KHDRBS2: variants seen among roughly 807,000 people sequenced by gnomAD.
The protein encoded by KHDRBS2 is KH RNA binding domain containing, signal transduction associated 2.
In KHDRBS2, 26 loss-of-function variants were observed where a neutral mutation model predicts 44.3. That is an observed-to-expected ratio of 0.59 (90% CI 0.43 to 0.81). The LOEUF (loss-of-function observed/expected upper bound fraction) is 0.81. Ranked by LOEUF, KHDRBS2 falls within the 40% of genes least tolerant of loss-of-function variation. The pLI is 0.00. For missense variants in KHDRBS2, 476 were observed against 433.1 expected (o/e 1.10, Z -0.88); for synonymous variants, 194 against 151.1 (o/e 1.28, Z -2.08).
intron 4 of KHDRBS2, among the ~76,000 whole-genome samples, chr6:61,937,437 C>T (rs548893417): frequency 8.5e-5 from 13 of 152,152 alleles, no homozygotes; most frequent in Admixed American, 4.6e-4. Flanking sequence ...TACTACACAA[C>T]GTCACTAGGC....
chr6:61,906,011 G>C (rs7741857), intron 4 of KHDRBS2, among the ~76,000 whole-genome samples: 13,302 of 151,718 alleles, frequency 0.088, 587 homozygotes, highest in Middle Eastern at 0.15. Flanking sequence ...CCACGCCTGG[G>C]TAATTTTTGT....
intron 4 of KHDRBS2, among the ~76,000 whole-genome samples, chr6:61,903,202 G>C (rs1225428682): frequency 6.6e-6 from 1 of 152,066 alleles, no homozygotes. Context: ...AACTGACCAG[G>C]TACTATCAAA....
chr6:61,670,721 G>C, the KHDRBS2 span, among the ~76,000 whole-genome samples: 21 of 98,264 alleles, frequency 2.1e-4, no homozygotes, highest in South Asian at 3.3e-3. Flanking sequence ...AGAGATGTTT[G>C]CTCATCTAGT....
At chr6:62,022,237 G>T (rs1782485830) in intron 3 of KHDRBS2, among the ~76,000 whole-genome samples, 1 of 151,538 alleles carries the variant, frequency 6.6e-6, no homozygotes, top group Non-Finnish European at 1.5e-5. Context: ...TTTAAATAAA[G>T]AAGTAAAAAT....
intron 2 of KHDRBS2, among the ~76,000 whole-genome samples, chr6:62,105,057 G>T (rs1584728028): frequency 6.6e-6 from 1 of 151,990 alleles, no homozygotes; most frequent in East Asian, 1.9e-4. Flanking sequence ...CAAATTCATT[G>T]AAAAACAAAC....
At chr6:61,786,686 A>G (rs1783869036) in intron 6 of KHDRBS2, among the ~76,000 whole-genome samples, 1 of 151,962 alleles carries the variant, frequency 6.6e-6, no homozygotes, top group Admixed American at 6.6e-5. Context: ...TGGTGGGTAG[A>G]AAAAAGTGAA....
chr6:62,063,441 G>A (rs1792598611), intron 2 of KHDRBS2, among the ~76,000 whole-genome samples: 1 of 150,964 alleles, frequency 6.6e-6, no homozygotes, highest in Admixed American at 6.6e-5. Flanking sequence ...ATGATCAAGT[G>A]GGCTTCATCC....
At chr6:62,265,528 C>T (rs779926010) in intron 1 of KHDRBS2, among the ~76,000 whole-genome samples, 2 of 151,814 alleles carry the variant, frequency 1.3e-5, no homozygotes, top group Non-Finnish European at 2.9e-5. Context: ...AAAGATGGAA[C>T]ATTTTAAAAA....
intron 4 of KHDRBS2, among the ~76,000 whole-genome samples, chr6:61,972,773 T>G (rs1162169869): frequency 6.6e-6 from 1 of 152,186 alleles, no homozygotes; most frequent in Non-Finnish European, 1.5e-5. Flanking sequence ...ACCTTTTAGG[T>G]CTTGCCATTT....
chr6:61,612,817 CTA>C, the KHDRBS2 span, among the ~76,000 whole-genome samples: 1 of 140,854 alleles, frequency 7.1e-6, no homozygotes, highest in African/African-American at 2.7e-5. Context: ...GCAAAGTAGT[CTA>C]AAACTGTTCA....
intron 1 of KHDRBS2, among the ~76,000 whole-genome samples, chr6:62,210,733 A>C (rs961628162): frequency 3.3e-5 from 5 of 152,180 alleles, no homozygotes; most frequent in African/African-American, 1.2e-4. Context: ...GAGAAACCTG[A>C]ATATGAATAG....
chr6:62,192,517 G>T (rs1212084285), intron 1 of KHDRBS2, among the ~76,000 whole-genome samples: 1 of 152,076 alleles, frequency 6.6e-6, no homozygotes, highest in Admixed American at 6.6e-5. Flanking sequence ...TTACAGAAAT[G>T]CTACAAGCAG....
intron 2 of KHDRBS2, among the ~76,000 whole-genome samples, chr6:62,068,728 C>T (rs1794323251): frequency 1.3e-5 from 2 of 151,526 alleles, no homozygotes; most frequent in Non-Finnish European, 3.0e-5. Context: ...AACCAGTTTT[C>T]CCAGTACCAT....
intron 8 of KHDRBS2, among the ~76,000 whole-genome samples, chr6:61,692,310 A>C (rs1457312941): frequency 6.6e-6 from 1 of 152,096 alleles, no homozygotes; most frequent in Non-Finnish European, 1.5e-5. Context: ...GTGATGAGAA[A>C]TGTAATATTT....
intron 2 of KHDRBS2, among the ~76,000 whole-genome samples, chr6:62,164,105 T>C (rs1349523877): frequency 6.6e-6 from 1 of 151,888 alleles, no homozygotes; most frequent in Non-Finnish European, 1.5e-5. Context: ...TGGAGTCATG[T>C]CTGGGGTTAA....
chr6:62,232,761 T>C (rs757917352), intron 1 of KHDRBS2, among the ~76,000 whole-genome samples: 12 of 152,180 alleles, frequency 7.9e-5, no homozygotes, highest in Non-Finnish European at 1.6e-4. Flanking sequence ...AAGGGGTCAG[T>C]TAAGTTGGTT....
the KHDRBS2 span, among the ~76,000 whole-genome samples, chr6:61,559,257 T>C: frequency 6.6e-6 from 1 of 152,160 alleles, no homozygotes; most frequent in Admixed American, 6.5e-5. Flanking sequence ...TGGGTTTCCA[T>C]GTCATGGAAT....
At chr6:62,011,139 A>G (rs1374563402) in intron 3 of KHDRBS2, among the ~76,000 whole-genome samples, 17 of 152,144 alleles carry the variant, frequency 1.1e-4, no homozygotes. Flanking sequence ...GGTTGGTGTG[A>G]AAGAAATTAT....
At chr6:61,661,971 G>A in the KHDRBS2 span, among the ~76,000 whole-genome samples, 1 of 151,850 alleles carries the variant, frequency 6.6e-6, no homozygotes. Context: ...CAAAGCTGGA[G>A]GCATCACACT....
Sources: allele counts gnomAD v4.1 joint callset (sites outside exome capture counted in the v4.1 genomes callset), GRCh38; gene constraint gnomAD v4.1.1; transcripts MANE v1.5; gene names NCBI Gene and HGNC (gene_info 2026-07-23, HGNC 2026-07-21).